C10orf67: variants seen among roughly 807,000 people sequenced by gnomAD.
The protein encoded by C10orf67 is chromosome 10 open reading frame 67.
A neutral mutation model predicts 35.6 loss-of-function variants in C10orf67; 60 were observed. The ratio of observed to expected loss-of-function variants is 1.68; its 90% confidence interval spans 1.37 to 2.09. The LOEUF (loss-of-function observed/expected upper bound fraction) is 2.09. Among genes scored for constraint, C10orf67 ranks in the 30% most tolerant of loss-of-function variants. The probability of loss-of-function intolerance (pLI) is 0.00; values close to 1 mark genes in which losing one functional copy is unlikely to be tolerated. For synonymous variants in C10orf67, 167 were observed against 115.8 expected, an observed-to-expected ratio of 1.44 and a Z score of -2.84; for missense variants, 474 against 330.2, an observed-to-expected ratio of 1.44 and a Z score of -3.38.
At chr10:23,308,602 C>T (rs538025292) in intron 4 of C10orf67, among the ~76,000 whole-genome samples, 42 of 152,274 alleles carry the variant, frequency 2.8e-4, no homozygotes, top group African/African-American at 9.9e-4. Context: ...GGAGTTCCCT[C>T]TTAGCCGACC....
At chr10:23,254,007 C>A (rs1465579775) in intron 10 of C10orf67, among the ~76,000 whole-genome samples, 1 of 152,200 alleles carries the variant, frequency 6.6e-6, no homozygotes, top group African/African-American at 2.4e-5. Context: ...GTTTTGCCAG[C>A]TGCTGACATT....
chr10:23,220,090 T>C (rs1042789567), intron 15 of C10orf67, among the ~76,000 whole-genome samples: 9 of 152,106 alleles, frequency 5.9e-5, no homozygotes, highest in African/African-American at 2.2e-4. Context: ...GAGGATCACC[T>C]GGGCCCAGGA....
intron 4 of C10orf67, among the ~76,000 whole-genome samples, chr10:23,320,124 A>T (rs1844887258): frequency 1.3e-5 from 2 of 152,244 alleles, no homozygotes; most frequent in Admixed American, 1.3e-4. Context: ...GATACTTCAC[A>T]AGCAATTACA....
chr10:23,295,765 C>T (rs1843862313), intron 5 of C10orf67, among the ~76,000 whole-genome samples: 1 of 151,980 alleles, frequency 6.6e-6, no homozygotes, highest in South Asian at 2.1e-4. Context: ...AAATGTAAAC[C>T]CAAGAAAAGG....
chr10:23,278,000 A>G (rs1373597930), intron 8 of C10orf67, among the ~76,000 whole-genome samples: 1 of 152,082 alleles, frequency 6.6e-6, no homozygotes, highest in Non-Finnish European at 1.5e-5. Context: ...AGAAGTGGGG[A>G]GGTGCTATAC....
At position 23,275,075 on chromosome 10, in the gene C10orf67, C is replaced by T. The variant is rs372019120; in HGVS notation, c.975+6938G>A. On this transcript the variant is annotated intron_variant, in intron 8 of 15. Coordinates refer to ENST00000636213, the MANE Select transcript of C10orf67 (RefSeq NM_001371909.1). ...ATCTTTGACTATGTGATATTAATTG[C>T]TCCTATAATTGTAGGGGAGAGAATT... Among the ~76,000 whole-genome samples, 30 of 152,272 alleles carry T rather than the reference C, an allele frequency of 2.0e-4. No individual in the cohort carries two copies. The South Asian group carries it at 4.8e-3, about 24-fold the overall frequency.
intron 8 of C10orf67, among the ~76,000 whole-genome samples, chr10:23,274,601 G>A (rs1352451964): frequency 6.6e-6 from 1 of 152,048 alleles, no homozygotes; most frequent in African/African-American, 2.4e-5. Flanking sequence ...CAGACCTTAT[G>A]GTTATCTTTC....
chr10:23,231,968 A>G (rs1315343530), intron 13 of C10orf67, among the ~76,000 whole-genome samples: 1 of 152,212 alleles, frequency 6.6e-6, no homozygotes, highest in Admixed American at 6.5e-5. Flanking sequence ...ATTCAACAAC[A>G]TACCGCTTAG....
At chr10:23,293,800 T>C (rs1843794216) in intron 5 of C10orf67, among the ~76,000 whole-genome samples, 1 of 152,208 alleles carries the variant, frequency 6.6e-6, no homozygotes, top group East Asian at 1.9e-4. Flanking sequence ...CCAAATTGAA[T>C]CTCGAAAGAA....
chr10:23,315,510 C>T (rs1055115582), intron 4 of C10orf67, among the ~76,000 whole-genome samples: 1 of 152,150 alleles, frequency 6.6e-6, no homozygotes, highest in African/African-American at 2.4e-5. Context: ...ATGATCATGG[C>T]TCACTGCAGC....
chr10:23,289,604 C>T (rs1214689380), intron 7 of C10orf67, among the ~76,000 whole-genome samples: 2 of 152,132 alleles, frequency 1.3e-5, no homozygotes, highest in East Asian at 3.8e-4. Context: ...TAACTTTTTC[C>T]TTAACTGCAA....
At chr10:23,220,896 A>T (rs1190239480) in intron 15 of C10orf67, among the ~76,000 whole-genome samples, 1 of 152,216 alleles carries the variant, frequency 6.6e-6, no homozygotes, top group Non-Finnish European at 1.5e-5. Context: ...GGATTCTGTA[A>T]CAGAAACGAT....
At chr10:23,249,434 A>T (rs1842395236) in intron 12 of C10orf67, among the ~76,000 whole-genome samples, 1 of 152,234 alleles carries the variant, frequency 6.6e-6, no homozygotes, top group African/African-American at 2.4e-5. Flanking sequence ...TTTACACAGC[A>T]CAAAATGCTT....
chr10:23,296,643 G>A (rs183396502), intron 5 of C10orf67, among the ~76,000 whole-genome samples: 32 of 152,274 alleles, frequency 2.1e-4, no homozygotes, highest in African/African-American at 7.7e-4. Flanking sequence ...GATTTCCTCG[G>A]GAGGGGTGAC....
intron 4 of C10orf67, among the ~76,000 whole-genome samples, chr10:23,306,634 A>G (rs1564501347): frequency 6.6e-6 from 1 of 152,144 alleles, no homozygotes; most frequent in Non-Finnish European, 1.5e-5. Context: ...CATAAGATGA[A>G]TAAGTTCTGG....
chr10:23,264,476 T>C (rs1390258994), intron 10 of C10orf67, among the ~76,000 whole-genome samples: 1 of 152,096 alleles, frequency 6.6e-6, no homozygotes, highest in African/African-American at 2.4e-5. Context: ...CAGGCCACAA[T>C]CATTAGAGTC....
chr10:23,323,952 T>TATATACAC (rs1564513730), intron 2 of C10orf67, among the ~76,000 whole-genome samples: 9 of 64,688 alleles, frequency 1.4e-4, no homozygotes, highest in African/African-American at 2.7e-4. Flanking sequence ...TATATATATA[T>TATATACAC]ACACACACAC....
chr10:23,247,739 C>T lies in C10orf67; in HGVS notation c.1346+2716G>A, dbSNP rs572251184. Among the ~76,000 whole-genome samples, 10 of 152,244 alleles carry T rather than the reference C, an allele frequency of 6.6e-5. 1 individual carries two copies. The highest frequency in any genetic ancestry group is 2.4e-4 in the African/African-American group (10 of 41,576). ...AATTGGAATAGCCCAATTTTTATGA[C>T]AAATTGAATGTTATTGAAAACTTTC... On this transcript the variant is annotated intron_variant, in intron 12 of 15. Coordinates refer to ENST00000636213, the MANE Select transcript of C10orf67 (RefSeq NM_001371909.1).
rs553312358 is a variant in C10orf67, at chr10:23,202,713, T to C, written c.*1460A>G. The C allele has an allele frequency of 3.9e-5, 6 of 152,324 alleles. No homozygotes were observed. The South Asian group carries it at 6.2e-4, about 16-fold the overall frequency. 9.4% of individuals were successfully genotyped at this position (152,324 alleles called of 1,614,324 possible). On this transcript the variant is annotated 3_prime_UTR_variant, in exon 16 of 16. Coordinates refer to ENST00000636213, the MANE Select transcript of C10orf67 (RefSeq NM_001371909.1). ...ATCCAGGGTTCTGTGGAGACCTTTA[T>C]TGTGCCATTTGAAACTTTGCTTTGG...
Sources: gnomAD v4.1 joint callset for allele counts (sites outside exome capture counted in the v4.1 genomes callset) on GRCh38, gnomAD v4.1.1 for gene constraint, MANE v1.5 for transcripts, NCBI Gene and HGNC (gene_info 2026-07-23, HGNC 2026-07-21) for gene names.